SPART: variants seen among roughly 807,000 people sequenced by gnomAD.
SPART encodes spastic paraplegia 20 (Troyer syndrome).
Under a neutral mutation model 58.7 loss-of-function variants are expected in SPART, and 35 were observed. The observed-to-expected ratio is 0.60, with a 90% confidence interval of 0.46 to 0.79. The LOEUF (loss-of-function observed/expected upper bound fraction) is 0.79. SPART is among the 30% of genes least tolerant of loss of function. SPART has a pLI of 0.00. For missense variants in SPART, 730 were observed against 786.1 expected (o/e 0.93, Z 0.85); for synonymous variants, 284 against 280.7 (o/e 1.01, Z -0.12).
chr13:36,332,653 A>T (rs1277367182), intron 2 of SPART, among the ~76,000 whole-genome samples: 1 of 152,240 alleles, frequency 6.6e-6, no homozygotes, highest in African/African-American at 2.4e-5. Flanking sequence ...TAAAAGCAAA[A>T]TAACAAAAGC....
intron 1 of SPART, among the ~76,000 whole-genome samples, chr13:36,336,958 G>A (rs1884065438): frequency 6.6e-6 from 1 of 152,138 alleles, no homozygotes; most frequent in Non-Finnish European, 1.5e-5. Flanking sequence ...GGAAAAACTG[G>A]TCTATGATAT....
intron 6 of SPART, among the ~76,000 whole-genome samples, chr13:36,313,244 T>A (rs1881313683): frequency 6.6e-6 from 1 of 152,160 alleles, no homozygotes; most frequent in Non-Finnish European, 1.5e-5. Context: ...ATGTGTCATA[T>A]CCCTTAGAAG....
At chr13:36,367,085 T>A (rs1732293965) in intron 1 of SPART, among the ~76,000 whole-genome samples, 1 of 152,122 alleles carries the variant, frequency 6.6e-6, no homozygotes, top group South Asian at 2.1e-4. Context: ...TAGTGTGGCA[T>A]CTCCACAGCA....
chr13:36,365,843 G>A, intron 1 of SPART: 1 of 224,140 alleles, frequency 4.5e-6, no homozygotes, highest in South Asian at 7.3e-5. Flanking sequence ...GCATGTTGGA[G>A]GTAAGAGCTC....
At chr13:36,357,491 G>A (rs1308093506) in intron 1 of SPART, among the ~76,000 whole-genome samples, 1 of 152,188 alleles carries the variant, frequency 6.6e-6, no homozygotes, top group African/African-American at 2.4e-5. Flanking sequence ...GGGAGAAGAG[G>A]AATGTCCTAC....
In SPART at chr13:36,304,571, C is replaced by CG. The variant is rs779688963; in HGVS notation, c.1794dup (p.Val599ArgfsTer7). Reference sequence around the variant, plus strand: ...ATGTTGTTAATATTGTAGGCAGTTACGCCAACATTGACCGCAGAATCCACC... The same window carrying CG: ...ATGTTGTTAATATTGTAGGCAGTTACGGCCAACATTGACCGCAGAATCCACC... On this transcript the variant is annotated frameshift_variant, in exon 9 of 9. Transcript: ENST00000438666. LOFTEE classifies it low-confidence loss of function (END_TRUNC). 5.6e-6 allele frequency: 9 copies of CG among 1,613,932 alleles called. No homozygotes were observed. Among genetic ancestry groups the CG allele is most frequent in the Non-Finnish European group, 7.6e-6 (9 of 1,179,972 alleles).
At chr13:36,322,271 A>G (rs1056312872) in intron 5 of SPART, among the ~76,000 whole-genome samples, 11 of 151,912 alleles carry the variant, frequency 7.2e-5, no homozygotes, top group African/African-American at 2.7e-4. Flanking sequence ...ATATGGTGAA[A>G]CTTTGTGTTT....
At chr13:36,326,815 C>A (rs1308389050) in intron 4 of SPART, 117 bp from the exon 5 acceptor site, 1 of 1,132,478 alleles carries the variant, frequency 8.8e-7, no homozygotes, top group Non-Finnish European at 1.3e-6. Flanking sequence ...TGAAAAATAT[C>A]TCCAGCCAAC....
chr13:36,312,209 C>T lies in SPART; in HGVS notation c.1669G>A (p.Glu557Lys). 6.2e-7 allele frequency: 1 copy of T among 1,614,162 alleles called. No individual in the cohort carries two copies. The highest frequency in any genetic ancestry group is 8.5e-7 in the Non-Finnish European group (1 of 1,180,026). The change falls in exon 8 of 9, where the codon GAA becomes AAA. Residue 557 changes from glutamate (E) to lysine (K), a missense_variant. By Grantham distance (56) the Glu-to-Lys change is moderately conservative. Coordinates refer to ENST00000438666, the MANE Select transcript of SPART (RefSeq NM_015087.5). ...TTAACGATGCATTTAGCTGCACATT[C>T]CAATCCTTGCCAGACAGTTGAAAAT... ...QGFSTVWQGL[E>K]CAAKCIVNNV... is the part of the protein sequence containing the mutation.
chr13:36,338,451 A>T (rs1364527821), intron 1 of SPART, among the ~76,000 whole-genome samples: 1 of 152,198 alleles, frequency 6.6e-6, no homozygotes, highest in Non-Finnish European at 1.5e-5. Flanking sequence ...CTCCAAAGGC[A>T]TAAGAATTGA....
chr13:36,365,674 G>A (rs1886025636), intron 1 of SPART: 1 of 453,550 alleles, frequency 2.2e-6, no homozygotes. Flanking sequence ...ATTTTAATTT[G>A]TATATACTTG....
At chr13:36,331,965 T>C (rs1055708379) in intron 2 of SPART, among the ~76,000 whole-genome samples, 1 of 152,242 alleles carries the variant, frequency 6.6e-6, no homozygotes, top group African/African-American at 2.4e-5. Context: ...GTAAATAAAC[T>C]ATTTTCAGAT....
At chr13:36,364,161 TTAGTAA>T (rs1297594287) in intron 1 of SPART, among the ~76,000 whole-genome samples, 1 of 152,162 alleles carries the variant, frequency 6.6e-6, no homozygotes, top group Non-Finnish European at 1.5e-5. Context: ...GACCCTCTTA[TTAGTAA>T]TAGTGACTGT....
At chr13:36,318,982 T>TG (rs1158565377) in intron 5 of SPART, among the ~76,000 whole-genome samples, 2 of 152,154 alleles carry the variant, frequency 1.3e-5, no homozygotes, top group Non-Finnish European at 2.9e-5. Flanking sequence ...CAGGTAACTC[T>TG]AACAGTGGAA....
chr13:36,336,701 A>C (rs1463820987), intron 1 of SPART, among the ~76,000 whole-genome samples: 2 of 152,224 alleles, frequency 1.3e-5, no homozygotes, highest in Non-Finnish European at 2.9e-5. Flanking sequence ...AACCAAGAGA[A>C]ATGGATGCAT....
chr13:36,344,428 A>C (rs937813016), intron 1 of SPART, among the ~76,000 whole-genome samples: 9 of 152,176 alleles, frequency 5.9e-5, no homozygotes, highest in African/African-American at 1.9e-4. Flanking sequence ...AGGATTGCTT[A>C]ATAACCTTCC....
intron 3 of SPART, among the ~76,000 whole-genome samples, 171 bp from the exon 4 acceptor site, chr13:36,329,688 C>T (rs925200824): frequency 6.6e-6 from 1 of 152,210 alleles, no homozygotes; most frequent in Admixed American, 6.5e-5. Context: ...TGTTTCATCA[C>T]CAAACCCCAA....
At chr13:36,323,858 C>G (rs1379408397) in intron 5 of SPART, among the ~76,000 whole-genome samples, 3 of 152,188 alleles carry the variant, frequency 2.0e-5, no homozygotes, top group Admixed American at 2.0e-4. Flanking sequence ...AAAAGAGGTA[C>G]TGGCACGAAG....
At chr13:36,312,552 A>T in intron 6 of SPART, 75 bp from the exon 7 acceptor site, 1 of 1,401,730 alleles carries the variant, frequency 7.1e-7, no homozygotes, top group Non-Finnish European at 1.0e-6. Flanking sequence ...ATCTTGCAAC[A>T]TTCTTAAATG....
Sources: allele counts gnomAD v4.1 joint callset (sites outside exome capture counted in the v4.1 genomes callset), GRCh38; gene constraint gnomAD v4.1.1; transcripts MANE v1.5; gene names NCBI Gene and HGNC (gene_info 2026-07-23, HGNC 2026-07-21).